The following LRRC28 variants were observed in gnomAD, a reference collection of about 807,000 sequenced individuals.
LRRC28 encodes the protein leucine-rich repeat-containing protein 28.
In LRRC28, 39 loss-of-function variants were observed where a neutral mutation model predicts 45.7. The ratio of observed to expected loss-of-function variants is 0.85; its 90% CI spans 0.66 to 1.12. The LOEUF (loss-of-function observed/expected upper bound fraction) is 1.12. LRRC28 is among the 50% of genes most tolerant of loss of function. The pLI, the probability that LRRC28 is intolerant of heterozygous loss-of-function variation, is 0.00. For synonymous variants in LRRC28, 206 were observed against 178.8 expected (o/e 1.15, Z -1.22); for missense variants, 435 against 438.5 (o/e 0.99, Z 0.07).
In LRRC28 at chr15:99,256,117, A is replaced by T. The variant is rs1190597642; in HGVS notation, c.160A>T (p.Thr54Ser). The T allele has an allele frequency of 1.2e-6, 2 of 1,609,692 alleles. No homozygotes were observed. The highest frequency in any genetic ancestry group is 1.7e-6 in the Non-Finnish European group (2 of 1,178,398). ...ACTCTATATGAAAAGGAACTCCCTGACATCCTTGGTACAGTATTATATTAC... is the reference window on the plus strand; with the variant it reads ...ACTCTATATGAAAAGGAACTCCCTGTCATCCTTGGTACAGTATTATATTAC... ...ERLYMKRNSL[T>S]SLPENLAQKL... is the part of the protein sequence containing the mutation. The change falls in exon 2 of 10, where the codon ACA (threonine) becomes TCA (serine). Residue 54 changes from threonine to serine, a missense_variant. By Grantham distance (58) the Thr-to-Ser change is moderately conservative. Coordinates refer to ENST00000301981, the MANE Select transcript of LRRC28 (RefSeq NM_144598.5).
chr15:99,316,715 TAA>T (rs142753859), intron 5 of LRRC28, among the ~76,000 whole-genome samples: 1,729 of 144,722 alleles, frequency 0.012, 23 homozygotes, highest in African/African-American at 0.023. Flanking sequence ...AGAAAACTCT[TAA>T]AAAAAAAAAA....
intron 9 of LRRC28, among the ~76,000 whole-genome samples, chr15:99,380,054 C>T (rs982890080): frequency 6.6e-6 from 1 of 152,112 alleles, no homozygotes; most frequent in African/African-American, 2.4e-5. Flanking sequence ...CTATTAGATC[C>T]ACTTGGTGCA....
intron 2 of LRRC28, among the ~76,000 whole-genome samples, chr15:99,272,039 C>A (rs2081495651): frequency 6.6e-6 from 1 of 152,142 alleles, no homozygotes; most frequent in Non-Finnish European, 1.5e-5. Context: ...AGTTGTTGAT[C>A]CATTTTGAGT....
At chr15:99,265,864 A>C (rs2081319764) in intron 2 of LRRC28, among the ~76,000 whole-genome samples, 1 of 152,196 alleles carries the variant, frequency 6.6e-6, no homozygotes, top group Non-Finnish European at 1.5e-5. Flanking sequence ...CTGGAAGCAA[A>C]ATCACTTAAT....
At position 99,256,221 on chromosome 15, in the gene LRRC28, T is replaced by C. The variant is rs190861630; in HGVS notation, c.168+96T>C. Reference sequence around the variant, plus strand: ...CCTAAGGTATTCAGACCAAGACTTATATCCCCTGTTGTTATATATACAGTT... The same window carrying C: ...CCTAAGGTATTCAGACCAAGACTTACATCCCCTGTTGTTATATATACAGTT... On this transcript the variant is annotated intron_variant, in intron 2 of 9. Coordinates refer to ENST00000301981, the MANE Select transcript of LRRC28 (RefSeq NM_144598.5). 1.2e-4 allele frequency: 109 copies of C among 902,504 alleles called. 1 individual carries two copies. The Middle Eastern group carries it at 2.0e-3, about 17-fold the overall frequency. 55.9% of individuals were successfully genotyped at this position (902,504 alleles called of 1,614,324 possible).
Position 99,259,357 on chromosome 15 carries a change from C to T in LRRC28, c.168+3232C>T, listed in dbSNP as rs781034016. 3.0e-4 allele frequency: 468 copies of T among 1,548,230 alleles called. 3 individuals are homozygous for T. Among genetic ancestry groups the T allele is most frequent in the Non-Finnish European group, 2.3e-4 (261 of 1,120,360 alleles). ...TTGAATACTGCATTCAGGCCCTTCCCGAATTTGATGGGAAGAGGTTCCAGA... is the reference window on the plus strand; with the variant it reads ...TTGAATACTGCATTCAGGCCCTTCCTGAATTTGATGGGAAGAGGTTCCAGA... On this transcript the variant is annotated intron_variant, in intron 2 of 9. Transcript: ENST00000301981.
intron 5 of LRRC28, among the ~76,000 whole-genome samples, chr15:99,328,126 G>C (rs1426496288): frequency 2.6e-5 from 4 of 152,156 alleles, no homozygotes; most frequent in Non-Finnish European, 4.4e-5. Flanking sequence ...TCTAGCATGT[G>C]GTCTGTCCTG....
At chr15:99,292,314 G>A (rs1259047728) in intron 5 of LRRC28, among the ~76,000 whole-genome samples, 5 of 150,738 alleles carry the variant, frequency 3.3e-5, no homozygotes, top group African/African-American at 1.2e-4. Flanking sequence ...GGGACGGAGT[G>A]TGTGTGTGTC....
At chr15:99,257,942 G>T (rs1264890419) in intron 2 of LRRC28, 5 of 775,034 alleles carry the variant, frequency 6.5e-6, no homozygotes, top group South Asian at 1.4e-5. Flanking sequence ...TTAGAGAACT[G>T]ATTCTGACGC....
chr15:99,351,532 C>A (rs1272356574), intron 6 of LRRC28, among the ~76,000 whole-genome samples: 1 of 152,140 alleles, frequency 6.6e-6, no homozygotes, highest in Admixed American at 6.6e-5. Context: ...CTTGTCTATG[C>A]CACTGTCACA....
rs190143842 is a variant in LRRC28 at position 99,285,196 on chromosome 15, C to T, written c.210-2061C>T. On this transcript the variant is annotated intron_variant, in intron 3 of 9. Transcript: ENST00000301981. ...CATGATTTCAATCACTTCAATTTTT[C>T]CATACTGTTCAAAATAATCTTAGGT... The T allele has an allele frequency of 1.5e-5, 11 of 729,228 alleles. No homozygotes were observed. In the East Asian group the frequency reaches 2.8e-4, roughly 18 times the overall value. 45.2% of individuals were successfully genotyped at this position (729,228 alleles called of 1,614,324 possible).
intron 9 of LRRC28, among the ~76,000 whole-genome samples, chr15:99,373,575 C>A (rs1257159991): frequency 3.9e-5 from 6 of 152,188 alleles, no homozygotes; most frequent in Admixed American, 3.3e-4. Context: ...CAATTACTGA[C>A]TGTAGTCACC....
In LRRC28 at chr15:99,287,245, T is replaced by G. The variant is rs774942008; in HGVS notation, c.210-12T>G. The G allele has an allele frequency of 1.3e-6, 2 of 1,571,558 alleles. No homozygotes were observed. Among genetic ancestry groups the G allele is most frequent in the Non-Finnish European group, 1.7e-6 (2 of 1,162,410 alleles). ...AATGATAATGGCTGTTTTTTTTCTTTTTCCTTCCTAGATACCTGCACTCAA... is the reference window on the plus strand; with the variant it reads ...AATGATAATGGCTGTTTTTTTTCTTGTTCCTTCCTAGATACCTGCACTCAA... On this transcript the variant is annotated splice_polypyrimidine_tract_variant and intron_variant, in intron 3 of 9. Coordinates refer to ENST00000301981, the MANE Select transcript of LRRC28 (RefSeq NM_144598.5).
At chr15:99,342,811 G>A (rs1036933207) in intron 6 of LRRC28, among the ~76,000 whole-genome samples, 2 of 152,228 alleles carry the variant, frequency 1.3e-5, no homozygotes, top group Non-Finnish European at 2.9e-5. Context: ...TCTACCATGT[G>A]TAAAGTTATC....
intron 2 of LRRC28, among the ~76,000 whole-genome samples, chr15:99,273,616 C>G (rs1221399945): frequency 1.3e-5 from 2 of 152,186 alleles, no homozygotes; most frequent in African/African-American, 2.4e-5. Flanking sequence ...AATAAAAACA[C>G]AATGTATCTA....
chr15:99,332,493 CCTA>C (rs1956191885), intron 5 of LRRC28, among the ~76,000 whole-genome samples: 1 of 152,304 alleles, frequency 6.6e-6, no homozygotes, highest in Non-Finnish European at 1.5e-5. Flanking sequence ...TTTAAATCCT[CCTA>C]CTAACAAAAA....
At chr15:99,289,326 A>G (rs1567418) in intron 5 of LRRC28, among the ~76,000 whole-genome samples, 62,404 of 152,062 alleles carry the variant, frequency 0.41, 13,053 homozygotes, top group Middle Eastern at 0.6. Flanking sequence ...ATGAGCAGAG[A>G]AAGATACAGA....
chr15:99,288,937 C>T (rs2082036730), intron 5 of LRRC28, among the ~76,000 whole-genome samples: 1 of 152,198 alleles, frequency 6.6e-6, no homozygotes, highest in South Asian at 2.1e-4. Context: ...GCCTCAGCCT[C>T]CCAAAGTGTT....
chr15:99,285,440 C>T (rs2081931495), intron 3 of LRRC28: 3 of 804,112 alleles, frequency 3.7e-6, no homozygotes, highest in African/African-American at 1.7e-5. Flanking sequence ...TTGGGATCTC[C>T]CATGACCACA....
Sources: gnomAD v4.1 joint callset for allele counts (sites outside exome capture counted in the v4.1 genomes callset) on GRCh38, gnomAD v4.1.1 for gene constraint, MANE v1.5 for transcripts, NCBI Gene and HGNC (gene_info 2026-07-23, HGNC 2026-07-21) for gene names.